ALKBH8: variants seen among roughly 807,000 people sequenced by gnomAD.
ALKBH8 encodes tRNA (carboxymethyluridine(34)-5-O)-methyltransferase ALKBH8.
A neutral mutation model predicts 59.8 loss-of-function variants in ALKBH8; 36 were observed. The ratio of observed to expected loss-of-function variants is 0.60; its 90% CI spans 0.46 to 0.79. ALKBH8 has a LOEUF of 0.79. Among genes scored for constraint, ALKBH8 ranks in the 30% least tolerant of loss-of-function variants. The pLI is 0.00. For synonymous variants in ALKBH8, 276 were observed against 273.6 expected (o/e 1.01, Z -0.09); for missense variants, 768 against 801.0 (o/e 0.96, Z 0.50).
intron 10 of ALKBH8, 125 bp from the exon 11 acceptor site, chr11:107,511,161 C>A (rs1481377504): frequency 4.2e-6 from 4 of 960,838 alleles, no homozygotes; most frequent in Non-Finnish European, 6.1e-6. Context: ...TGGTCTGAGA[C>A]CATGATACTA....
At chr11:107,540,065 C>T (rs1346995659) in intron 7 of ALKBH8, among the ~76,000 whole-genome samples, 2 of 152,166 alleles carry the variant, frequency 1.3e-5, no homozygotes, top group Admixed American at 1.3e-4. Context: ...GCACTTATTT[C>T]TCATTGCTAC....
intron 8 of ALKBH8, among the ~76,000 whole-genome samples, chr11:107,526,388 A>G (rs1863356622): frequency 6.6e-6 from 1 of 151,994 alleles, no homozygotes; most frequent in South Asian, 2.1e-4. Flanking sequence ...ACATCTTTTC[A>G]TGTGCTTATT....
chr11:107,515,711 G>A (rs1862835439), intron 10 of ALKBH8, among the ~76,000 whole-genome samples: 1 of 152,014 alleles, frequency 6.6e-6, no homozygotes. Flanking sequence ...TGTAATTGTG[G>A]AAGTACAAGT....
rs1471257870 is a variant in ALKBH8 at position 107,502,861 on chromosome 11, G to A, written c.*1797C>T. 4 of 152,178 alleles carry A rather than the reference G, an allele frequency of 2.6e-5. No homozygotes were observed. The highest frequency in any genetic ancestry group is 2.1e-4 in the South Asian group (1 of 4,830). The allele number at this position is 152,178 out of a possible 1,614,324, so 9.4% of individuals were successfully genotyped here. On this transcript the variant is annotated 3_prime_UTR_variant, in exon 12 of 12. Transcript: ENST00000428149. ...CTATATTCTTACACTATCCTATGATGTATACAAATATACTTTCAGTGAATT... is the reference window on the plus strand; with the variant it reads ...CTATATTCTTACACTATCCTATGATATATACAAATATACTTTCAGTGAATT...
intron 6 of ALKBH8, among the ~76,000 whole-genome samples, chr11:107,550,108 G>C (rs1864429374): frequency 6.6e-6 from 1 of 152,202 alleles, no homozygotes. Context: ...TCCAGCCCAA[G>C]AGGAAAATGT....
At chr11:107,550,250 C>T (rs1325081936) in intron 6 of ALKBH8, among the ~76,000 whole-genome samples, 1 of 152,218 alleles carries the variant, frequency 6.6e-6, no homozygotes, top group East Asian at 1.9e-4. Flanking sequence ...ACTGATCTAT[C>T]AATTTACATT....
chr11:107,534,116 C>A (rs1281321246), intron 7 of ALKBH8, among the ~76,000 whole-genome samples: 1 of 151,858 alleles, frequency 6.6e-6, no homozygotes, highest in East Asian at 1.9e-4. Flanking sequence ...GGAAACAGAG[C>A]GAGACACCGT....
intron 4 of ALKBH8, 115 bp from the exon 5 acceptor site, chr11:107,553,318 G>T: frequency 7.0e-6 from 4 of 568,982 alleles, no homozygotes; most frequent in Non-Finnish European, 1.2e-5. Flanking sequence ...TCTGTTAATT[G>T]GTAAATTATG....
chr11:107,525,777 T>C (rs1863327968), intron 8 of ALKBH8, among the ~76,000 whole-genome samples, 185 bp from the exon 9 acceptor site: 1 of 151,860 alleles, frequency 6.6e-6, no homozygotes, highest in South Asian at 2.1e-4. Flanking sequence ...ATTATCTTCA[T>C]GACAATAATA....
intron 7 of ALKBH8, among the ~76,000 whole-genome samples, chr11:107,544,801 G>T (rs965794339): frequency 6.9e-6 from 1 of 144,578 alleles, no homozygotes; most frequent in African/African-American, 2.6e-5. Flanking sequence ...AGTCACCATG[G>T]CTTTAGATAC....
chr11:107,563,951 T>C lies in ALKBH8; in HGVS notation c.-7+1650A>G, dbSNP rs188764754. The stretch of plus-strand genomic sequence containing the variant: ...TTCCACCATTCCAGTGGCTAGGCAA[T>C]GTGCTGGCCCAACATATCTGAGTCA... On this transcript the variant is annotated intron_variant, in intron 1 of 11. Coordinates refer to ENST00000428149, the MANE Select transcript of ALKBH8 (RefSeq NM_138775.3). 4.1e-3 allele frequency among the ~76,000 whole-genome samples: 624 copies of C among 152,256 alleles called. 4 individuals are homozygous for C. The highest frequency in any genetic ancestry group is 0.015 in the African/African-American group (607 of 41,558).
intron 6 of ALKBH8, 97 bp downstream of exon 6, chr11:107,551,709 AAT>A (rs1364376832): frequency 3.6e-4 from 108 of 299,692 alleles, no homozygotes; most frequent in Non-Finnish European, 4.3e-4. Flanking sequence ...AAAAAAAAAT[AAT>A]AATAATAATA....
Position 107,503,532 on chromosome 11 carries a change from TG to T in ALKBH8, c.*1125del, listed in dbSNP as rs1257217758. ...AGCCTTTTCCTTCTATGTGATAATTTGACCTATGGTTGAATTTCTACCTTTG... is the reference window on the plus strand; with the variant it reads ...AGCCTTTTCCTTCTATGTGATAATTTACCTATGGTTGAATTTCTACCTTTG... On this transcript the variant is annotated 3_prime_UTR_variant, in exon 12 of 12. Coordinates refer to ENST00000428149, the MANE Select transcript of ALKBH8 (RefSeq NM_138775.3). The T allele has an allele frequency of 6.6e-6, 1 of 152,206 alleles. No individual in the cohort carries two copies. Among genetic ancestry groups the T allele is most frequent in the Non-Finnish European group, 1.5e-5 (1 of 68,012 alleles). The allele number at this position is 152,206 out of a possible 1,614,324, so 9.4% of individuals were successfully genotyped here.
chr11:107,549,794 C>A lies in ALKBH8; in HGVS notation c.730G>T (p.Ala244Ser). ...AGAGAAACGATCTCATCCTCAAAAGCGGAATGTGTATCAATATGAGCGGGA... is the reference window on the plus strand; with the variant it reads ...AGAGAAACGATCTCATCCTCAAAAGAGGAATGTGTATCAATATGAGCGGGA... ...GIPAHIDTHS[A>S]FEDEIVSLSL... The change falls in exon 7 of 12, where the codon GCT becomes TCT. Residue 244 changes from alanine to serine, a missense_variant. Ala to Ser is a moderately conservative substitution (Grantham distance 99). Coordinates refer to ENST00000428149, the MANE Select transcript of ALKBH8 (RefSeq NM_138775.3). 1 of 1,550,080 alleles carries A rather than the reference C, an allele frequency of 6.5e-7. No homozygotes were observed. Among genetic ancestry groups the A allele is most frequent in the Non-Finnish European group, 8.7e-7 (1 of 1,145,790 alleles).
intron 9 of ALKBH8, among the ~76,000 whole-genome samples, chr11:107,523,715 G>A (rs1249759656): frequency 6.7e-6 from 1 of 149,548 alleles, no homozygotes; most frequent in Non-Finnish European, 1.5e-5. Flanking sequence ...TGATTCTCCT[G>A]CCTCAGCCTC....
intron 7 of ALKBH8, among the ~76,000 whole-genome samples, chr11:107,545,779 A>G (rs1864225104): frequency 6.6e-6 from 1 of 152,164 alleles, no homozygotes; most frequent in Admixed American, 6.5e-5. Context: ...GTGCAATGCA[A>G]ACCCAAAACT....
chr11:107,513,224 T>A (rs540866597), intron 10 of ALKBH8, among the ~76,000 whole-genome samples: 9 of 152,186 alleles, frequency 5.9e-5, no homozygotes, highest in Admixed American at 4.6e-4. Flanking sequence ...ATCGGTCCCA[T>A]TAAAAAGAGG....
Position 107,548,556 on chromosome 11 carries a change from C to T in ALKBH8, c.771+1197G>A, listed in dbSNP as rs534680218. On this transcript the variant is annotated intron_variant, in intron 7 of 11. Transcript: ENST00000428149. ...AGAAGAGTGTTTTTTCCTCCCCGATCTCATTATTTTTTAAAGCACCTGTAT... is the reference window on the plus strand; with the variant it reads ...AGAAGAGTGTTTTTTCCTCCCCGATTTCATTATTTTTTAAAGCACCTGTAT... Among the ~76,000 whole-genome samples, 381 of 152,202 alleles carry T rather than the reference C, an allele frequency of 2.5e-3. 2 individuals carry two copies. Among genetic ancestry groups the T allele is most frequent in the African/African-American group, 8.5e-3 (355 of 41,524 alleles).
intron 5 of ALKBH8, 53 bp downstream of exon 5, chr11:107,553,055 T>A: frequency 9.2e-7 from 1 of 1,087,054 alleles, no homozygotes; most frequent in African/African-American, 1.6e-5. Context: ...CATATTCTAC[T>A]AATATATTAA....
Sources: gnomAD v4.1 joint callset for allele counts (sites outside exome capture counted in the v4.1 genomes callset) on GRCh38, gnomAD v4.1.1 for gene constraint, MANE v1.5 for transcripts, NCBI Gene and HGNC (gene_info 2026-07-23, HGNC 2026-07-21) for gene names.